Variants in IQCK observed in about 807,000 individuals in gnomAD.
The protein encoded by IQCK is IQ motif containing K.
IQCK carries 29 observed loss-of-function variants against 28.1 expected under a neutral mutation model. The ratio of observed to expected loss-of-function variants is 1.03; its 90% CI spans 0.77 to 1.41. The LOEUF (loss-of-function observed/expected upper bound fraction) is 1.41, where lower values mean the gene tolerates loss of function less well. IQCK is among the 40% of genes most tolerant of loss of function. IQCK has a pLI of 0.00. For missense variants in IQCK, 359 were observed against 314.7 expected (o/e 1.14, Z -1.07); for synonymous variants, 113 against 115.1 (o/e 0.98, Z 0.12).
chr16:19,740,247 A>T (rs1441838833), intron 4 of IQCK, among the ~76,000 whole-genome samples: 1 of 152,142 alleles, frequency 6.6e-6, no homozygotes, highest in Non-Finnish European at 1.5e-5. Flanking sequence ...TGACAATTTA[A>T]TTCTTGTCCA....
intron 6 of IQCK, among the ~76,000 whole-genome samples, chr16:19,776,626 C>T (rs558740708): frequency 5.9e-5 from 9 of 152,244 alleles, no homozygotes; most frequent in Admixed American, 2.6e-4. Context: ...GCAGAATTGC[C>T]GGAACCCGAG....
rs936382908 is a variant in IQCK at position 19,726,014 on chromosome 16, C to T, written c.182-4416C>T. On this transcript the variant is annotated intron_variant, in intron 1 of 7. Coordinates refer to ENST00000564186, the Ensembl canonical transcript of IQCK. ...CACCGCAAGCTCCACCTCCCGAGTT[C>T]ACACCATTATCCTGCCTCAGCCTCC... is the stretch of plus-strand genomic sequence containing the variant. 4.6e-5 allele frequency among the ~76,000 whole-genome samples: 7 copies of T among 151,416 alleles called. No homozygotes were observed. In the East Asian group the frequency reaches 1.4e-3, roughly 29 times the overall value.
intron 9 of IQCK, among the ~76,000 whole-genome samples, chr16:19,855,024 G>A (rs1282036033): frequency 6.6e-6 from 1 of 152,146 alleles, no homozygotes; most frequent in Non-Finnish European, 1.5e-5. Flanking sequence ...ACAATGATTA[G>A]TAGTACGCAA....
At chr16:19,815,799 A>G (rs2055980801) in intron 7 of IQCK, among the ~76,000 whole-genome samples, 1 of 152,252 alleles carries the variant, frequency 6.6e-6, no homozygotes, top group South Asian at 2.1e-4. Context: ...GCTTCCTTAT[A>G]AAGTTGAATT....
Position 19,761,015 on chromosome 16 carries a change from C to T in IQCK, c.475-2833C>T, listed in dbSNP as rs372547259. ...GAGGATGCCCAGAGGTCACTCTTGT[C>T]GCCATCTTGGTTTTGGTGCGCTTTG... is the stretch of plus-strand genomic sequence containing the variant. On this transcript the variant is annotated intron_variant, in intron 4 of 7. Coordinates refer to ENST00000564186, the Ensembl canonical transcript of IQCK. 1.8e-3 allele frequency: 324 copies of T among 182,636 alleles called. 9 individuals are homozygous for T. In the South Asian group the frequency reaches 0.036, roughly 20 times the overall value. 11.3% of individuals were successfully genotyped at this position (182,636 alleles called of 1,614,324 possible).
chr16:19,851,399 G>A (rs1205679921), intron 9 of IQCK, among the ~76,000 whole-genome samples: 1 of 152,132 alleles, frequency 6.6e-6, no homozygotes, highest in Non-Finnish European at 1.5e-5. Flanking sequence ...GGCCCTGTCT[G>A]GACAACATTG....
intron 9 of IQCK, among the ~76,000 whole-genome samples, chr16:19,837,753 T>A (rs1021391196): frequency 2.0e-5 from 3 of 152,176 alleles, no homozygotes; most frequent in Admixed American, 6.5e-5. Flanking sequence ...TGGGGGAAAT[T>A]TATAAGCTGT....
At chr16:19,778,008 G>A (rs1470003710) in intron 6 of IQCK, among the ~76,000 whole-genome samples, 2 of 152,062 alleles carry the variant, frequency 1.3e-5, no homozygotes, top group African/African-American at 2.4e-5. Context: ...AGCTGAGATC[G>A]CGCCATTGCA....
At position 19,848,196 on chromosome 16, in the gene IQCK, T is replaced by G. The variant is rs1168242321; in HGVS notation, c.803-8291T>G. Among the ~76,000 whole-genome samples the G allele has an allele frequency of 2.0e-5, 3 of 152,202 alleles. 1 individual carries two copies. The highest frequency in any genetic ancestry group is 7.2e-5 in the African/African-American group (3 of 41,448). On this transcript the variant is annotated intron_variant, in intron 9 of 9. Coordinates refer to the IQCK transcript ENST00000320394. ...TTCTTTTTCATTTTAACCATTCTGG[T>G]GGGTGTGTGGTGGCTGTCTCATCGT...
chr16:19,736,585 C>T (rs1265305332), intron 4 of IQCK, among the ~76,000 whole-genome samples: 1 of 152,202 alleles, frequency 6.6e-6, no homozygotes. Context: ...GTGTTCCCTG[C>T]ACAGTTTTGA....
chr16:19,774,764 T>G (rs12921595), intron 6 of IQCK, among the ~76,000 whole-genome samples: 2 of 152,246 alleles, frequency 1.3e-5, no homozygotes, highest in Non-Finnish European at 2.9e-5. Flanking sequence ...CTATGTGCCG[T>G]GGAAACATGA....
intron 7 of IQCK, among the ~76,000 whole-genome samples, chr16:19,822,465 G>A (rs1213459251): frequency 5.9e-5 from 9 of 151,474 alleles, no homozygotes; most frequent in South Asian, 2.1e-4. Context: ...ATACCTATAC[G>A]ATAGATATTA....
intron 7 of IQCK, among the ~76,000 whole-genome samples, chr16:19,823,940 AAAT>A: frequency 8.8e-6 from 1 of 113,990 alleles, no homozygotes; most frequent in African/African-American, 4.0e-5. Flanking sequence ...CTTAAAAAAT[AAAT>A]AAATAAATAA....
chr16:19,764,345 AT>A (rs1418122705), intron 6 of IQCK: 4 of 397,398 alleles, frequency 1.0e-5, no homozygotes, highest in Non-Finnish European at 1.8e-5. Flanking sequence ...TAAAAAAAAA[AT>A]TATTATCCTA....
At chr16:19,724,662 G>A (rs1195203127) in intron 1 of IQCK, among the ~76,000 whole-genome samples, 2 of 152,060 alleles carry the variant, frequency 1.3e-5, no homozygotes, top group Non-Finnish European at 2.9e-5. Context: ...CTGAGTAGCT[G>A]GGACTACAGG....
chr16:19,799,579 ATT>A (rs1031462538), intron 7 of IQCK, among the ~76,000 whole-genome samples: 4 of 94,404 alleles, frequency 4.2e-5, no homozygotes, highest in Non-Finnish European at 7.3e-5. Flanking sequence ...CCTATATTTT[ATT>A]TTATATATAT....
At chr16:19,751,572 G>A (rs2054987082) in intron 4 of IQCK, among the ~76,000 whole-genome samples, 1 of 152,188 alleles carries the variant, frequency 6.6e-6, no homozygotes, top group South Asian at 2.1e-4. Context: ...AAGAGAGTTG[G>A]GGTCCAGGTA....
chr16:19,793,491 A>G (rs1316773933), intron 7 of IQCK, among the ~76,000 whole-genome samples: 1 of 50,578 alleles, frequency 2.0e-5, no homozygotes, highest in Non-Finnish European at 3.1e-5. Context: ...GCATGCTGAA[A>G]ACTACAAAAC....
chr16:19,836,794 T>G (rs35065633), intron 9 of IQCK, among the ~76,000 whole-genome samples: 4,491 of 152,246 alleles, frequency 0.029, 140 homozygotes, highest in Admixed American at 0.087. Context: ...TTACAGGCGT[T>G]AGCCACCGTG....
Sources: allele counts gnomAD v4.1 joint callset (sites outside exome capture counted in the v4.1 genomes callset), GRCh38; gene constraint gnomAD v4.1.1; transcripts MANE v1.5; gene names NCBI Gene and HGNC (gene_info 2026-07-23, HGNC 2026-07-21).